The following UNC79 variants were observed in gnomAD, a reference collection of about 807,000 sequenced individuals.
UNC79 encodes protein unc-79 homolog.
In UNC79, 37 loss-of-function variants were observed where a neutral mutation model predicts 283.1. That is an observed-to-expected ratio of 0.13 (90% CI 0.10 to 0.17). The LOEUF (loss-of-function observed/expected upper bound fraction) is 0.17. Among genes scored for constraint, UNC79 ranks in the 10% least tolerant of loss-of-function variants. The pLI, the probability that UNC79 is intolerant of heterozygous loss-of-function variation, is 1.00. For synonymous variants in UNC79, 1,107 were observed against 1,200.2 expected, an observed-to-expected ratio of 0.92 and a Z score of 1.61; for missense variants, 2,272 against 3,211.1, an observed-to-expected ratio of 0.71 and a Z score of 7.07.
intron 4 of UNC79, among the ~76,000 whole-genome samples, chr14:93,486,835 A>G (rs926455367): frequency 6.6e-6 from 1 of 152,168 alleles, no homozygotes; most frequent in Non-Finnish European, 1.5e-5. Context: ...AAGCCACTTA[A>G]AGATGTCTTA....
intron 14 of UNC79, among the ~76,000 whole-genome samples, chr14:93,561,266 G>A (rs2062530561): frequency 6.6e-6 from 1 of 152,182 alleles, no homozygotes; most frequent in African/African-American, 2.4e-5. Context: ...CACAGGAAAA[G>A]TAGTTTTTGT....
At position 93,542,361 on chromosome 14, in the gene UNC79, A is replaced by T. The variant is rs1484533328; in HGVS notation, c.1525-105A>T. On this transcript the variant is annotated intron_variant, in intron 13 of 48. Coordinates refer to ENST00000555664, the Ensembl canonical transcript of UNC79. ...TAAAACTGCCTATTTCAAACAGATT[A>T]TCTGGGATATCTTTTTATTTTTATT... 5.2e-6 allele frequency: 6 copies of T among 1,158,822 alleles called. No homozygotes were observed. The African/African-American group carries it at 9.3e-5, about 18-fold the overall frequency. 71.8% of individuals were successfully genotyped at this position (1,158,822 alleles called of 1,614,324 possible).
intron 1 of UNC79, among the ~76,000 whole-genome samples, chr14:93,341,734 T>G (rs915029562): frequency 2.3e-4 from 35 of 151,650 alleles, no homozygotes; most frequent in African/African-American, 7.5e-4. Flanking sequence ...AAACCAAAAA[T>G]AAAATTCTAA....
chr14:93,592,358 T>C (rs2064756027), intron 22 of UNC79, among the ~76,000 whole-genome samples: 1 of 151,988 alleles, frequency 6.6e-6, no homozygotes, highest in Non-Finnish European at 1.5e-5. Context: ...GTATTTTTAG[T>C]AGAGACGGAG....
chr14:93,631,804 TTTAC>T (rs1488617476), intron 31 of UNC79, among the ~76,000 whole-genome samples: 1 of 152,244 alleles, frequency 6.6e-6, no homozygotes, highest in Non-Finnish European at 1.5e-5. Flanking sequence ...TCAGCAACTA[TTTAC>T]TAAGTGTCTG....
At chr14:93,611,976 AG>A (rs2066344303) in intron 26 of UNC79, among the ~76,000 whole-genome samples, 1 of 152,250 alleles carries the variant, frequency 6.6e-6, no homozygotes, top group Non-Finnish European at 1.5e-5. Context: ...AAGAGAGACA[AG>A]GTAACTTCTG....
At chr14:93,410,685 A>G (rs1442724072) in intron 1 of UNC79, among the ~76,000 whole-genome samples, 1 of 152,080 alleles carries the variant, frequency 6.6e-6, no homozygotes, top group South Asian at 2.1e-4. Context: ...CTCCTGGATT[A>G]TATTTCTAGC....
intron 40 of UNC79, among the ~76,000 whole-genome samples, chr14:93,670,838 T>C (rs574024748): frequency 2.0e-5 from 3 of 152,310 alleles, no homozygotes; most frequent in Non-Finnish European, 2.9e-5. Flanking sequence ...GTCAACTTAT[T>C]AGCATACAAA....
At chr14:93,691,554 A>G (rs1022503095) in intron 45 of UNC79, 195 bp from the exon 49 acceptor site, 1 of 621,012 alleles carries the variant, frequency 1.6e-6, no homozygotes, top group Non-Finnish European at 2.8e-6. Flanking sequence ...CTCTGAGCAC[A>G]CTCCCACTGG....
intron 5 of UNC79, 66 bp from the exon 6 acceptor site, chr14:93,496,341 ATATG>A (rs1198582964): frequency 8.0e-6 from 8 of 1,000,732 alleles, no homozygotes; most frequent in South Asian, 1.8e-5. Flanking sequence ...AATTTCTTAT[ATATG>A]TATATCAAAG....
rs534046201 is a variant in UNC79, at chr14:93,623,120, G to A, written c.5608+279G>A. Among the ~76,000 whole-genome samples the A allele has an allele frequency of 1.2e-4, 19 of 152,282 alleles. No individual in the cohort carries two copies. In the East Asian group the frequency reaches 2.5e-3, roughly 20 times the overall value. On this transcript the variant is annotated intron_variant, in intron 30 of 48. Coordinates refer to ENST00000555664, the Ensembl canonical transcript of UNC79. ...GGCAATGAGATGCATTGGTTAATTC[G>A]TATCAGGATAATCCAGGTATCATCT...
At chr14:93,570,448 C>T (rs922404658) in intron 14 of UNC79, among the ~76,000 whole-genome samples, 1 of 152,152 alleles carries the variant, frequency 6.6e-6, no homozygotes, top group South Asian at 2.1e-4. Flanking sequence ...AATTCCTGCC[C>T]TCTGAGCATA....
chr14:93,364,408 T>G (rs899673870), intron 1 of UNC79, among the ~76,000 whole-genome samples: 1 of 151,954 alleles, frequency 6.6e-6, no homozygotes, highest in African/African-American at 2.4e-5. Flanking sequence ...TTATCCATAT[T>G]GTAGTTTAGG....
At chr14:93,543,747 T>G (rs1476524221) in intron 14 of UNC79, among the ~76,000 whole-genome samples, 1 of 152,212 alleles carries the variant, frequency 6.6e-6, no homozygotes, top group Non-Finnish European at 1.5e-5. Context: ...CAGTAATATG[T>G]GAAATTTTTT....
intron 30 of UNC79, among the ~76,000 whole-genome samples, chr14:93,623,390 A>G (rs2067289003): frequency 6.6e-6 from 1 of 152,110 alleles, no homozygotes; most frequent in Non-Finnish European, 1.5e-5. Context: ...ACCCTAACCC[A>G]CGGTCATCAC....
chr14:93,493,932 T>C (rs1436952552), intron 5 of UNC79, among the ~76,000 whole-genome samples: 1 of 130,578 alleles, frequency 7.7e-6, no homozygotes, highest in Non-Finnish European at 1.6e-5. Context: ...AGATAGAGTT[T>C]TGCTCTTGTT....
intron 1 of UNC79, among the ~76,000 whole-genome samples, chr14:93,346,388 C>T (rs1471971640): frequency 6.6e-6 from 1 of 152,196 alleles, no homozygotes; most frequent in Non-Finnish European, 1.5e-5. Flanking sequence ...TGCCTCATGC[C>T]TGTAATCCCA....
rs1323712625 is a variant in UNC79, at chr14:93,474,431, A to T, written c.448+38A>T. The T allele has an allele frequency of 2.6e-6, 4 of 1,513,926 alleles. No individual in the cohort carries two copies. The African/African-American group carries it at 4.1e-5, about 16-fold the overall frequency. The allele number at this position is 1,513,926 out of a possible 1,614,324, so 93.8% of individuals were successfully genotyped here. ...CTGAAACCTTTGGAAATGTACGTGG[A>T]TGCTTATGAATGTATATGATGCTGA... On this transcript the variant is annotated intron_variant, in intron 3 of 48. Transcript: ENST00000555664. This position sits in a 1 kb window ranked among gnomAD's most constrained non-coding sequence, Gnocchi z 4.1.
intron 1 of UNC79, among the ~76,000 whole-genome samples, chr14:93,350,074 A>C (rs1270084863): frequency 1.3e-5 from 2 of 152,186 alleles, no homozygotes; most frequent in African/African-American, 4.8e-5. Flanking sequence ...ATAATATGGG[A>C]AAATGTATTT....
Sources: gnomAD v4.1 joint callset for allele counts (sites outside exome capture counted in the v4.1 genomes callset) on GRCh38, gnomAD v4.1.1 for gene constraint, Gnocchi (gnomAD v3.1) non-coding constraint, MANE v1.5 for transcripts, NCBI Gene and HGNC (gene_info 2026-07-23, HGNC 2026-07-21) for gene names.